NEBL: variants seen among roughly 807,000 people sequenced by gnomAD.
NEBL encodes the protein nebulette.
In NEBL, 122 loss-of-function variants were observed where a neutral mutation model predicts 140.2. The observed-to-expected ratio is 0.87, with a 90% confidence interval of 0.75 to 1.01. The LOEUF (loss-of-function observed/expected upper bound fraction) is 1.01, where lower values mean the gene tolerates loss of function less well. Among genes scored for constraint, NEBL ranks in the 50% least tolerant of loss-of-function variants. The pLI, the probability that NEBL is intolerant of heterozygous loss-of-function variation, is 0.00. For missense variants in NEBL, 1,365 were observed against 1,231.3 expected (o/e 1.11, Z -1.62); for synonymous variants, 436 against 398.9 (o/e 1.09, Z -1.11).
chr10:21,143,657 T>C (rs1026533538), intron 2 of NEBL, among the ~76,000 whole-genome samples: 2 of 151,976 alleles, frequency 1.3e-5, no homozygotes, highest in African/African-American at 4.8e-5. Flanking sequence ...CAAATTCTAG[T>C]CTTCAATCTG....
intron 3 of NEBL, among the ~76,000 whole-genome samples, chr10:21,004,383 C>G (rs1229313521): frequency 6.6e-6 from 1 of 152,064 alleles, no homozygotes; most frequent in African/African-American, 2.4e-5. Context: ...TTATTTGGGA[C>G]GACGTTCTAT....
chr10:20,900,476 G>A (rs1588978936), upstream of NEBL, among the ~76,000 whole-genome samples: 1 of 151,884 alleles, frequency 6.6e-6, no homozygotes, highest in African/African-American at 2.4e-5. Flanking sequence ...TCAGGAGTTC[G>A]AGACCAGCCT....
intron 26 of NEBL, among the ~76,000 whole-genome samples, chr10:20,790,001 T>A (rs1218978567): frequency 6.6e-6 from 1 of 151,516 alleles, no homozygotes; most frequent in Non-Finnish European, 1.5e-5. Context: ...TATTTATGCC[T>A]ACTCCTTACT....
intron 3 of NEBL, among the ~76,000 whole-genome samples, chr10:21,221,718 TGGTC>T (rs1564544918): frequency 6.6e-6 from 1 of 152,200 alleles, no homozygotes; most frequent in Non-Finnish European, 1.5e-5. Context: ...TTGGCCAGGC[TGGTC>T]TTGAACTCCT....
At chr10:21,058,364 G>A (rs1030232664) in intron 2 of NEBL, among the ~76,000 whole-genome samples, 10 of 152,036 alleles carry the variant, frequency 6.6e-5, no homozygotes, top group African/African-American at 2.4e-4. Context: ...TGTTCCATTA[G>A]ATCAACTTTC....
At chr10:21,031,000 G>A (rs1833755421) in intron 2 of NEBL, among the ~76,000 whole-genome samples, 1 of 152,178 alleles carries the variant, frequency 6.6e-6, no homozygotes. Flanking sequence ...CTCCCATGTG[G>A]AGGAAAAAGC....
chr10:21,202,747 C>T (rs558067455), intron 3 of NEBL, among the ~76,000 whole-genome samples: 5 of 152,090 alleles, frequency 3.3e-5, no homozygotes, highest in Admixed American at 2.0e-4. Flanking sequence ...AGGCGTGAGC[C>T]ACCACGCCCG....
chr10:21,199,225 G>T (rs73609231), intron 3 of NEBL, among the ~76,000 whole-genome samples: 3,211 of 151,836 alleles, frequency 0.021, 120 homozygotes, highest in African/African-American at 0.072. Flanking sequence ...GATGGGGGGG[G>T]TCTCACTATG....
rs559400989 is a variant in NEBL, at chr10:20,854,616, G to A, written c.904-1967C>T. On this transcript the variant is annotated intron_variant, in intron 9 of 27. Coordinates refer to ENST00000377122, the MANE Select transcript of NEBL (RefSeq NM_006393.3). Reference sequence around the variant, plus strand: ...GTCTTGCTCTGTCACCCAGGCTGGAGTGCAGTGGAGGGATCATGGCTCACT... The same window carrying A: ...GTCTTGCTCTGTCACCCAGGCTGGAATGCAGTGGAGGGATCATGGCTCACT... Among the ~76,000 whole-genome samples the A allele has an allele frequency of 2.8e-5, 4 of 145,326 alleles. No homozygotes were observed. In the South Asian group the frequency reaches 8.8e-4, roughly 32 times the overall value.
chr10:21,165,452 G>A (rs1283659156), intron 2 of NEBL, among the ~76,000 whole-genome samples: 1 of 152,142 alleles, frequency 6.6e-6, no homozygotes, highest in African/African-American at 2.4e-5. Flanking sequence ...CAGTTCTTCT[G>A]GATCATGCAA....
At position 20,940,111 on chromosome 10, in the gene NEBL, C is replaced by A. The variant is rs1834769651; in HGVS notation, c.357+21561G>T. Reference sequence around the variant, plus strand: ...TAATAGACATCTACAGAACTCTCCACCCCAAATCAACAGAATATACATTCT... The same window carrying A: ...TAATAGACATCTACAGAACTCTCCAACCCAAATCAACAGAATATACATTCT... On this transcript the variant is annotated intron_variant, in intron 4 of 6. Transcript: ENST00000417816. 3.3e-5 allele frequency among the ~76,000 whole-genome samples: 5 copies of A among 152,162 alleles called. No individual in the cohort carries two copies. The South Asian group carries it at 1.0e-3, about 32-fold the overall frequency.
intron 2 of NEBL, among the ~76,000 whole-genome samples, chr10:21,070,405 A>T (rs1835763936): frequency 6.6e-6 from 1 of 152,208 alleles, no homozygotes; most frequent in African/African-American, 2.4e-5. Context: ...AAGCACCAAA[A>T]TATATACTAC....
chr10:20,875,420 G>A (rs1195060612), intron 5 of NEBL, among the ~76,000 whole-genome samples: 1 of 152,118 alleles, frequency 6.6e-6, no homozygotes, highest in African/African-American at 2.4e-5. Flanking sequence ...AATAGTTCTG[G>A]GTTAGACATG....
intron 2 of NEBL, among the ~76,000 whole-genome samples, chr10:20,896,095 C>T (rs7922552): frequency 6.6e-6 from 1 of 151,870 alleles, no homozygotes; most frequent in Non-Finnish European, 1.5e-5. Context: ...GATCATTTTG[C>T]TTATTATCAA....
At chr10:21,090,823 G>T (rs1324742178) in intron 2 of NEBL, among the ~76,000 whole-genome samples, 1 of 152,190 alleles carries the variant, frequency 6.6e-6, no homozygotes, top group Admixed American at 6.5e-5. Flanking sequence ...CCTGTTTGTG[G>T]TTCAGTCTAG....
intron 3 of NEBL, among the ~76,000 whole-genome samples, chr10:21,239,840 C>T (rs934739557): frequency 6.6e-6 from 1 of 151,986 alleles, no homozygotes; most frequent in Non-Finnish European, 1.5e-5. Flanking sequence ...CATGGTGAAA[C>T]CCCATCTCTA....
At chr10:20,843,211 A>G (rs1021735137) in intron 12 of NEBL, among the ~76,000 whole-genome samples, 4 of 152,030 alleles carry the variant, frequency 2.6e-5, no homozygotes, top group Non-Finnish European at 5.9e-5. Flanking sequence ...TCACAGTACA[A>G]AGGTGTCTGC....
chr10:20,815,496 A>G, intron 22 of NEBL, 129 bp downstream of exon 22: 1 of 758,048 alleles, frequency 1.3e-6, no homozygotes, highest in Non-Finnish European at 2.3e-6. Flanking sequence ...GAAATAACAC[A>G]TGTACTTATT....
chr10:21,231,716 C>A (rs891349056), intron 3 of NEBL, among the ~76,000 whole-genome samples: 2 of 151,980 alleles, frequency 1.3e-5, no homozygotes, highest in Admixed American at 6.6e-5. Flanking sequence ...CAGTCAAAGC[C>A]CCGAGGCAAA....
Sources: gnomAD v4.1 joint callset for allele counts (sites outside exome capture counted in the v4.1 genomes callset) on GRCh38, gnomAD v4.1.1 for gene constraint, MANE v1.5 for transcripts, NCBI Gene and HGNC (gene_info 2026-07-23, HGNC 2026-07-21) for gene names.